MYRIP: variants seen among roughly 807,000 people sequenced by gnomAD.
MYRIP encodes the protein myosin VIIA and Rab interacting protein, also known as rab effector MyRIP.
MYRIP carries 49 observed loss-of-function variants against 98.0 expected under a neutral mutation model. The ratio of observed to expected loss-of-function variants is 0.50; its 90% CI spans 0.40 to 0.63. MYRIP has a LOEUF of 0.63. MYRIP is among the 30% of genes least tolerant of loss of function. The pLI, the probability that MYRIP is intolerant of heterozygous loss-of-function variation, is 0.00. For missense variants in MYRIP, 1,004 were observed against 1,058.2 expected, an observed-to-expected ratio of 0.95 and a Z score of 0.71; for synonymous variants, 404 against 409.5, an observed-to-expected ratio of 0.99 and a Z score of 0.16.
Position 40,069,016 on chromosome 3 carries a change from C to A in MYRIP, c.332+24745C>A, listed in dbSNP as rs570220323. ...TATTGTATTAAGACACAAAACACAT[C>A]TAAGAAACAAAGCCTGGCTTGCCCT... On this transcript the variant is annotated intron_variant, in intron 3 of 16. Transcript: ENST00000302541. Among the ~76,000 whole-genome samples, 174 of 152,314 alleles carry A rather than the reference C, an allele frequency of 1.1e-3. 2 individuals are homozygous for A. In the South Asian group the frequency reaches 0.034, roughly 30 times the overall value.
Position 39,900,924 on chromosome 3 carries a change from A to G in MYRIP, c.108A>G (p.Leu36=). 1 of 1,610,124 alleles carries G rather than the reference A, an allele frequency of 6.2e-7. No homozygotes were observed. The highest frequency in any genetic ancestry group is 8.5e-7 in the Non-Finnish European group (1 of 1,178,062). The change falls in exon 2 of 17, where the codon CTA becomes CTG. Residue 36 remains leucine, a splice_region_variant and synonymous_variant. Coordinates refer to ENST00000302541, the MANE Select transcript of MYRIP (RefSeq NM_015460.4). ...TTCGCAAAAAAGAAGAAGAACGACT[A>G]AGGTGAGATGCCTGTTTTGCTCAGC... ...FNLRKKEEER[L]SELKQKLDEE... is the part of the protein sequence containing the mutation.
intron 2 of MYRIP, among the ~76,000 whole-genome samples, chr3:39,950,253 T>A (rs978111394): frequency 4.6e-5 from 7 of 152,178 alleles, no homozygotes; most frequent in Non-Finnish European, 8.8e-5. Flanking sequence ...TATGAATGAA[T>A]GCAAAGATGA....
rs527507906 is a variant in MYRIP, at chr3:39,878,132, C to T, written c.-30-22655C>T. On this transcript the variant is annotated intron_variant, in intron 1 of 16. Coordinates refer to ENST00000302541, the MANE Select transcript of MYRIP (RefSeq NM_015460.4). ...CTAGCAATCAGCGAGACTCCGTGGG[C>T]GTAGGACCCTCCGAGCCATATGCGG... Among the ~76,000 whole-genome samples the T allele has an allele frequency of 2.5e-3, 377 of 152,322 alleles. 2 individuals carry two copies. In the Middle Eastern group the frequency reaches 0.037, roughly 15 times the overall value.
chr3:40,148,835 A>G (rs1463276778), intron 3 of MYRIP, among the ~76,000 whole-genome samples: 1 of 152,110 alleles, frequency 6.6e-6, no homozygotes, highest in East Asian at 1.9e-4. Flanking sequence ...TTAGTTGGTG[A>G]ATAAAGGTAA....
chr3:39,995,839 T>C (rs1330478837), intron 2 of MYRIP, among the ~76,000 whole-genome samples: 2 of 152,158 alleles, frequency 1.3e-5, no homozygotes, highest in Non-Finnish European at 2.9e-5. Flanking sequence ...GCTGATCTCT[T>C]CGCAGAAACT....
intron 10 of MYRIP, among the ~76,000 whole-genome samples, chr3:40,190,979 T>G (rs1214525677): frequency 6.6e-6 from 1 of 152,212 alleles, no homozygotes; most frequent in Non-Finnish European, 1.5e-5. Flanking sequence ...CCTCAAAAGG[T>G]GTTCATGACA....
intron 4 of MYRIP, among the ~76,000 whole-genome samples, chr3:40,151,876 T>C (rs927769574): frequency 6.6e-6 from 1 of 152,220 alleles, no homozygotes; most frequent in Non-Finnish European, 1.5e-5. Flanking sequence ...AAATGCTTTT[T>C]ATCCATGAGA....
chr3:40,031,493 G>A (rs4234130), intron 2 of MYRIP, among the ~76,000 whole-genome samples: 75,288 of 151,912 alleles, frequency 0.5, 20,370 homozygotes, highest in East Asian at 0.67. Context: ...GTGGCCTTGA[G>A]CCTTTGCAAG....
chr3:40,010,915 C>A (rs1382421556), intron 2 of MYRIP, among the ~76,000 whole-genome samples: 22 of 152,194 alleles, frequency 1.4e-4, no homozygotes, highest in Admixed American at 1.4e-3. Flanking sequence ...TGACCCTGCT[C>A]TTCTGTCTCA....
At chr3:40,184,872 G>C (rs1559439857) in intron 9 of MYRIP, among the ~76,000 whole-genome samples, 1 of 152,062 alleles carries the variant, frequency 6.6e-6, no homozygotes, top group Non-Finnish European at 1.5e-5. Flanking sequence ...TTCACATTCT[G>C]CTCAAAACTC....
chr3:40,147,228 T>C (rs1032494893), intron 3 of MYRIP, among the ~76,000 whole-genome samples: 2 of 152,164 alleles, frequency 1.3e-5, no homozygotes, highest in African/African-American at 4.8e-5. Flanking sequence ...CCTCTATGAC[T>C]TTAACTAGCA....
chr3:40,254,885 A>T (rs1340827352), intron 16 of MYRIP, among the ~76,000 whole-genome samples: 1 of 152,212 alleles, frequency 6.6e-6, no homozygotes. Flanking sequence ...AGATGACAAG[A>T]CTAAAACAAG....
At chr3:40,153,750 T>C (rs778752770) in intron 4 of MYRIP, among the ~76,000 whole-genome samples, 1 of 152,212 alleles carries the variant, frequency 6.6e-6, no homozygotes, top group Admixed American at 6.5e-5. Flanking sequence ...AAATCTGCAG[T>C]GCACAAGGCA....
At chr3:40,119,511 G>A (rs906639315) in intron 3 of MYRIP, among the ~76,000 whole-genome samples, 3 of 152,168 alleles carry the variant, frequency 2.0e-5, no homozygotes, top group African/African-American at 4.8e-5. Flanking sequence ...CTCTGGAGAC[G>A]GGAACTGGAG....
intron 2 of MYRIP, among the ~76,000 whole-genome samples, chr3:39,956,194 G>T (rs938445284): frequency 8.5e-5 from 13 of 152,276 alleles, no homozygotes; most frequent in Middle Eastern, 3.4e-3. Context: ...GACATCTGCG[G>T]AACTCTCCAC....
At chr3:39,871,520 C>T (rs747576080) in intron 1 of MYRIP, among the ~76,000 whole-genome samples, 12 of 152,222 alleles carry the variant, frequency 7.9e-5, no homozygotes, top group Middle Eastern at 6.8e-3. Flanking sequence ...AACTTGTAGC[C>T]GTTTACTTGC....
At chr3:39,906,181 T>C (rs180827032) in intron 2 of MYRIP, among the ~76,000 whole-genome samples, 49 of 152,112 alleles carry the variant, frequency 3.2e-4, no homozygotes, top group Admixed American at 1.2e-3. Context: ...AAAGCCTGGG[T>C]CATTGCTGCA....
intron 2 of MYRIP, among the ~76,000 whole-genome samples, chr3:40,013,299 T>C (rs114947668): frequency 0.015 from 2,327 of 152,332 alleles, 52 homozygotes; most frequent in African/African-American, 0.052. Flanking sequence ...GCTTCTGTGA[T>C]GTGCAGGAGA....
At chr3:40,154,539 CT>C (rs945645195) in intron 4 of MYRIP, among the ~76,000 whole-genome samples, 90 of 152,106 alleles carry the variant, frequency 5.9e-4, no homozygotes, top group African/African-American at 2.1e-3. Context: ...CCCAGCATGA[CT>C]TTTTTTTAAA....
Sources: gnomAD v4.1 joint callset for allele counts (sites outside exome capture counted in the v4.1 genomes callset) on GRCh38, gnomAD v4.1.1 for gene constraint, MANE v1.5 for transcripts, NCBI Gene and HGNC (gene_info 2026-07-23, HGNC 2026-07-21) for gene names.